The following ACACB variants were observed in gnomAD, a reference collection of about 807,000 sequenced individuals.
The protein encoded by ACACB is acetyl-CoA carboxylase beta.
Under a neutral mutation model 278.8 loss-of-function variants are expected in ACACB, and 209 were observed. The observed-to-expected ratio is 0.75, with a 90% confidence interval of 0.67 to 0.84. The LOEUF (loss-of-function observed/expected upper bound fraction) is 0.84. Among genes scored for constraint, ACACB ranks in the 40% least tolerant of loss-of-function variants. The probability of loss-of-function intolerance (pLI) is 0.00; values close to 1 mark genes in which losing one functional copy is unlikely to be tolerated. For missense variants in ACACB, 2,850 were observed against 3,269.0 expected, an observed-to-expected ratio of 0.87 and a Z score of 3.13; for synonymous variants, 1,174 against 1,285.6, an observed-to-expected ratio of 0.91 and a Z score of 1.86.
At chr12:109,182,431 G>A (rs2044509627) in intron 11 of ACACB, among the ~76,000 whole-genome samples, 2 of 152,172 alleles carry the variant, frequency 1.3e-5, no homozygotes, top group Admixed American at 1.3e-4. Context: ...GCAGTGGCAT[G>A]ATCATGGCTC....
intron 2 of ACACB, among the ~76,000 whole-genome samples, chr12:109,147,903 A>G (rs1403550514): frequency 6.6e-6 from 1 of 152,230 alleles, no homozygotes; most frequent in African/African-American, 2.4e-5. Context: ...CTTTAGCAGC[A>G]GTAAATTTTT....
intron 1 of ACACB, among the ~76,000 whole-genome samples, chr12:109,133,645 CA>C (rs1423758265): frequency 1.3e-5 from 2 of 151,982 alleles, no homozygotes; most frequent in African/African-American, 4.8e-5. Flanking sequence ...ATTTCAAATG[CA>C]CACATTTAAA....
In ACACB at chr12:109,258,245, G is replaced by T. The variant is rs367692223; in HGVS notation, c.6264-23G>T. Reference sequence around the variant, plus strand: ...CACCTGGGGTGCTGCCCAGGGCCTGGCTCACTGGTGCTCATTTTCCAGGCT... The same window carrying T: ...CACCTGGGGTGCTGCCCAGGGCCTGTCTCACTGGTGCTCATTTTCCAGGCT... On this transcript the variant is annotated intron_variant, in intron 45 of 52. Coordinates refer to ENST00000338432, the MANE Select transcript of ACACB (RefSeq NM_001093.4). 42 of 1,598,838 alleles carry T rather than the reference G, an allele frequency of 2.6e-5. 1 individual carries two copies. Among genetic ancestry groups the T allele is most frequent in the African/African-American group, 1.6e-4 (12 of 74,736 alleles).
intron 4 of ACACB, 41 bp downstream of exon 4, chr12:109,168,075 C>T: frequency 6.4e-7 from 1 of 1,569,798 alleles, no homozygotes; most frequent in Non-Finnish European, 8.7e-7. Context: ...ACGCTCCATC[C>T]TTGCCTGCCC....
At chr12:109,143,941 A>G (rs2043179348) in intron 2 of ACACB, among the ~76,000 whole-genome samples, 2 of 151,958 alleles carry the variant, frequency 1.3e-5, no homozygotes, top group African/African-American at 4.8e-5. Context: ...CTGAGGTGGG[A>G]GGATCCCTTG....
Position 109,241,168 on chromosome 12 carries a change from C to T in ACACB, c.4909C>T (p.Arg1637Cys), listed in dbSNP as rs998286464. 1.2e-5 allele frequency: 20 copies of T among 1,614,024 alleles called. No homozygotes were observed. The highest frequency in any genetic ancestry group is 8.3e-5 in the Admixed American group (5 of 59,996). The change falls in exon 36 of 53, where the codon CGC becomes TGC. Residue 1637 changes from arginine to cysteine, a missense_variant. Arg to Cys is a radical substitution (Grantham distance 180). Transcript: ENST00000338432. ...VLQAEVKINI[R>C]QTTTGSAVPI... ...ACAGGCTGAGGTCAAGATCAACATC[C>T]GCCAGACCACCACCGGCAGTGCCGT...
chr12:109,232,719 C>T lies in ACACB; in HGVS notation c.4052C>T (p.Thr1351Ile). 1 of 1,614,202 alleles carries T rather than the reference C, an allele frequency of 6.2e-7. No homozygotes were observed. Among genetic ancestry groups the T allele is most frequent in the Non-Finnish European group, 8.5e-7 (1 of 1,180,046 alleles). Reference sequence around the variant, plus strand: ...AACCCTGACCTGCTGAGGCACAGCACAGAGCTCTTCATGGACAGCGGCTTC... The same window carrying T: ...AACCCTGACCTGCTGAGGCACAGCATAGAGCTCTTCATGGACAGCGGCTTC... ...ITNPDLLRHS[T>I]ELFMDSGFSP... Residue 1351 changes from threonine to isoleucine, a missense_variant, in exon 29 of 53, where the codon ACA becomes ATA. Physicochemically the swap from Thr to Ile is moderately conservative, Grantham distance 89 (BLOSUM62 -1). Around this residue, in one of 3 missense-constraint regions of ACACB, gnomAD observed 2,265 missense variants for 2,561.3 expected, o/e 0.88. Coordinates refer to ENST00000338432, the MANE Select transcript of ACACB (RefSeq NM_001093.4).
At chr12:109,146,019 T>A (rs1244031481) in intron 2 of ACACB, among the ~76,000 whole-genome samples, 1 of 147,656 alleles carries the variant, frequency 6.8e-6, no homozygotes, top group Admixed American at 6.6e-5. Context: ...GAAAAAAAAA[T>A]TATTATTATT....
At chr12:109,242,271 C>T (rs2046820385) in intron 36 of ACACB, 166 bp from the exon 37 acceptor site, 3 of 674,184 alleles carry the variant, frequency 4.4e-6, no homozygotes, top group Non-Finnish European at 7.4e-6. Flanking sequence ...TGGCCCTCCA[C>T]AGTGGTGAAG....
At chr12:109,227,026 T>C (rs2046332406) in intron 27 of ACACB, among the ~76,000 whole-genome samples, 1 of 152,056 alleles carries the variant, frequency 6.6e-6, no homozygotes, top group East Asian at 1.9e-4. Flanking sequence ...TCATAGCTCA[T>C]TGCAGCCTCA....
intron 15 of ACACB, among the ~76,000 whole-genome samples, chr12:109,192,449 C>A (rs1258548382): frequency 6.6e-6 from 1 of 151,900 alleles, no homozygotes; most frequent in Non-Finnish European, 1.5e-5. Flanking sequence ...TGTTTGGGAA[C>A]CTGTCCCGTG....
chr12:109,111,624 C>T (rs1046685360), upstream of ACACB, among the ~76,000 whole-genome samples: 1 of 150,260 alleles, frequency 6.7e-6, no homozygotes, highest in Non-Finnish European at 1.5e-5. Flanking sequence ...GGCGCGATCT[C>T]GGCTCACTGC....
intron 2 of ACACB, among the ~76,000 whole-genome samples, chr12:109,151,415 A>G (rs948358010): frequency 6.6e-6 from 1 of 151,862 alleles, no homozygotes; most frequent in African/African-American, 2.4e-5. Context: ...TCATTGCCCT[A>G]TTTTAGAAAA....
At chr12:109,144,500 C>A (rs145756234) in intron 2 of ACACB, among the ~76,000 whole-genome samples, 1 of 152,084 alleles carries the variant, frequency 6.6e-6, no homozygotes. Context: ...AACACCCAAG[C>A]AGTTTTGGGT....
intron 16 of ACACB, among the ~76,000 whole-genome samples, chr12:109,195,172 G>A (rs578193772): frequency 1.1e-4 from 17 of 152,152 alleles, no homozygotes; most frequent in Non-Finnish European, 1.8e-4. Context: ...TCAGTGCCCC[G>A]GGTTCCAATG....
chr12:109,174,173 G>A lies in ACACB; in HGVS notation c.1159G>A (p.Ala387Thr), dbSNP rs561181524. ...CATGTGGGCCTTAGGAGATAAGATC[G>A]CCTCCACCGTTGTCGCCCAGACGCT... ...EAMWALGDKI[A>T]STVVAQTLQV... The change falls in exon 7 of 53, where the codon GCC (alanine) becomes ACC (threonine). Residue 387 changes from alanine (A) to threonine (T), a missense_variant. Transcript: ENST00000338432. 40 of 1,613,066 alleles carry A rather than the reference G, an allele frequency of 2.5e-5. No homozygotes were observed. The highest frequency in any genetic ancestry group is 1.7e-4 in the South Asian group (15 of 90,824).
rs144716098 is a variant in ACACB at position 109,242,753 on chromosome 12, C to T, written c.5178+161C>T. On this transcript the variant is annotated intron_variant, in intron 37 of 52. Transcript: ENST00000338432. Reference sequence around the variant, plus strand: ...CTATAATCCCAGCACTTCGGGAGGCCGAGGAGGGAGGATTGCTTGAGCCCA... The same window carrying T: ...CTATAATCCCAGCACTTCGGGAGGCTGAGGAGGGAGGATTGCTTGAGCCCA... 1,173 of 771,740 alleles carry T rather than the reference C, an allele frequency of 1.5e-3. 9 individuals are homozygous for T. Among genetic ancestry groups the T allele is most frequent in the African/African-American group, 0.013 (756 of 56,858 alleles). 47.8% of individuals were successfully genotyped at this position (771,740 alleles called of 1,614,324 possible). A position where few individuals can be genotyped will look rare whatever the true frequency, so the allele number is the denominator to read the frequency against.
intron 6 of ACACB, among the ~76,000 whole-genome samples, chr12:109,173,248 A>G (rs1045363639): frequency 1.2e-4 from 18 of 152,214 alleles, no homozygotes; most frequent in African/African-American, 4.3e-4. Flanking sequence ...AATCTGTACC[A>G]CAAACCCCTG....
At chr12:109,258,896 G>C in intron 46 of ACACB, 77 bp from the exon 47 acceptor site, 1 of 1,561,170 alleles carries the variant, frequency 6.4e-7, no homozygotes, top group South Asian at 1.2e-5. Flanking sequence ...CATCCAGAGC[G>C]AGGTTCTGGC....
Sources: allele counts gnomAD v4.1 joint callset (sites outside exome capture counted in the v4.1 genomes callset), GRCh38; gene constraint gnomAD v4.1.1; regional missense constraint gnomAD v4.1.1; transcripts MANE v1.5; gene names NCBI Gene and HGNC (gene_info 2026-07-23, HGNC 2026-07-21).